Variants in ADGRB3 observed in about 807,000 individuals in gnomAD.
The protein encoded by ADGRB3 is adhesion G protein-coupled receptor B3, also known as brain-specific angiogenesis inhibitor 3.
In ADGRB3, 37 loss-of-function variants were observed where a neutral mutation model predicts 193.4. That is an observed-to-expected ratio of 0.19 (90% CI 0.15 to 0.25). The LOEUF (loss-of-function observed/expected upper bound fraction) is 0.25, where lower values mean the gene tolerates loss of function less well. ADGRB3 is among the 10% of genes least tolerant of loss of function. The pLI, the probability that ADGRB3 is intolerant of heterozygous loss-of-function variation, is 1.00. For missense variants in ADGRB3, 1,637 were observed against 1,852.9 expected, an observed-to-expected ratio of 0.88 and a Z score of 2.14; for synonymous variants, 690 against 644.2, an observed-to-expected ratio of 1.07 and a Z score of -1.08.
intron 3 of ADGRB3, among the ~76,000 whole-genome samples, chr6:68,696,511 A>T (rs1393605206): frequency 1.3e-5 from 2 of 151,874 alleles, no homozygotes; most frequent in African/African-American, 4.8e-5. Context: ...AAGTTTTTGG[A>T]TAAGGAAATT....
chr6:69,135,258 G>A (rs373543627), intron 17 of ADGRB3, among the ~76,000 whole-genome samples: 1 of 150,434 alleles, frequency 6.6e-6, no homozygotes, highest in African/African-American at 2.4e-5. Context: ...CCTAACAGAT[G>A]TAAGTACTAT....
At chr6:69,179,292 A>T (rs1258475174) in intron 17 of ADGRB3, among the ~76,000 whole-genome samples, 1 of 152,146 alleles carries the variant, frequency 6.6e-6, no homozygotes, top group Admixed American at 6.5e-5. Context: ...TAAAGCTTTC[A>T]ATTGCATTTT....
intron 11 of ADGRB3, among the ~76,000 whole-genome samples, chr6:69,012,935 C>A (rs1360975383): frequency 6.6e-6 from 1 of 151,910 alleles, no homozygotes; most frequent in Admixed American, 6.6e-5. Context: ...GTTAATGTAT[C>A]AGTATGAAGT....
chr6:69,030,966 C>CTT (rs1364529498), intron 13 of ADGRB3, among the ~76,000 whole-genome samples: 1 of 123,710 alleles, frequency 8.1e-6, no homozygotes, highest in Non-Finnish European at 1.7e-5. Context: ...TTTTTCTTTT[C>CTT]TTTTCTTTTC....
At chr6:68,787,170 G>T (rs542945611) in intron 3 of ADGRB3, among the ~76,000 whole-genome samples, 177 of 152,174 alleles carry the variant, frequency 1.2e-3, no homozygotes, top group African/African-American at 4.0e-3. Context: ...GATTGCCCTG[G>T]CCAGAACTTC....
At chr6:69,063,638 G>A (rs1367549697) in intron 16 of ADGRB3, among the ~76,000 whole-genome samples, 2 of 151,906 alleles carry the variant, frequency 1.3e-5, no homozygotes, top group African/African-American at 2.4e-5. Context: ...ACTAAGTCAA[G>A]GATCAGGGAA....
chr6:68,670,868 T>C (rs1225473344), intron 3 of ADGRB3, among the ~76,000 whole-genome samples: 1 of 152,032 alleles, frequency 6.6e-6, no homozygotes. Flanking sequence ...ATTTTAACAA[T>C]ACTGATTCCT....
intron 20 of ADGRB3, among the ~76,000 whole-genome samples, chr6:69,313,546 G>T (rs1768243747): frequency 6.6e-6 from 1 of 151,718 alleles, no homozygotes. Flanking sequence ...TTTGCTTGTT[G>T]CAAGTTGAAA....
At chr6:69,253,790 A>G (rs1478762082) in intron 20 of ADGRB3, among the ~76,000 whole-genome samples, 2 of 152,150 alleles carry the variant, frequency 1.3e-5, no homozygotes, top group African/African-American at 4.8e-5. Context: ...TTTTCAATAT[A>G]TCAAACAGGA....
At chr6:68,982,633 C>G (rs913050814) in intron 10 of ADGRB3, among the ~76,000 whole-genome samples, 4 of 152,138 alleles carry the variant, frequency 2.6e-5, no homozygotes, top group Admixed American at 1.3e-4. Context: ...CCTAAGTTCC[C>G]AAAGCTCTTA....
At chr6:69,250,284 T>A (rs978240795) in intron 20 of ADGRB3, among the ~76,000 whole-genome samples, 3 of 151,208 alleles carry the variant, frequency 2.0e-5, no homozygotes, top group Non-Finnish European at 4.4e-5. Flanking sequence ...GTATTGCTTT[T>A]ACAAAATACA....
intron 3 of ADGRB3, among the ~76,000 whole-genome samples, chr6:68,785,967 G>T (rs1373203918): frequency 1.3e-5 from 2 of 152,122 alleles, no homozygotes; most frequent in Non-Finnish European, 2.9e-5. Context: ...TTTGAGAAGT[G>T]TCTGTTCATA....
At chr6:68,831,954 A>G (rs1372571518) in intron 3 of ADGRB3, among the ~76,000 whole-genome samples, 2 of 152,206 alleles carry the variant, frequency 1.3e-5, no homozygotes, top group East Asian at 3.9e-4. Flanking sequence ...ATGGACATGC[A>G]GACTTAATGA....
chr6:68,694,472 G>A (rs1271724039), intron 3 of ADGRB3, among the ~76,000 whole-genome samples: 1 of 151,932 alleles, frequency 6.6e-6, no homozygotes. Flanking sequence ...GCACTGGTAT[G>A]GGAGTGAGGT....
intron 17 of ADGRB3, among the ~76,000 whole-genome samples, chr6:69,217,328 T>C (rs1282903015): frequency 6.6e-6 from 1 of 152,136 alleles, no homozygotes; most frequent in African/African-American, 2.4e-5. Flanking sequence ...GATACTGCCC[T>C]TTTTACCCCA....
intron 17 of ADGRB3, among the ~76,000 whole-genome samples, chr6:69,117,538 T>G: frequency 6.6e-6 from 1 of 152,284 alleles, no homozygotes; most frequent in Non-Finnish European, 1.5e-5. Flanking sequence ...AGCCATATTA[T>G]AGTAAGCCAA....
At chr6:68,911,638 A>G (rs1766714033) in intron 3 of ADGRB3, among the ~76,000 whole-genome samples, 2 of 152,172 alleles carry the variant, frequency 1.3e-5, no homozygotes, top group African/African-American at 4.8e-5. Context: ...GCAGTGTTAC[A>G]AAAGGGACGT....
At chr6:68,918,069 A>G (rs568259393) in intron 3 of ADGRB3, among the ~76,000 whole-genome samples, 1 of 152,342 alleles carries the variant, frequency 6.6e-6, no homozygotes, top group Admixed American at 6.5e-5. Context: ...TAATTACTGG[A>G]AAAATGTCAG....
chr6:69,148,022 T>A (rs954617170), intron 17 of ADGRB3, among the ~76,000 whole-genome samples: 1 of 152,168 alleles, frequency 6.6e-6, no homozygotes, highest in African/African-American at 2.4e-5. Context: ...CTATTTGTGT[T>A]TTTATAGGTG....
Sources: allele counts gnomAD v4.1 joint callset (sites outside exome capture counted in the v4.1 genomes callset), GRCh38; gene constraint gnomAD v4.1.1; transcripts MANE v1.5; gene names NCBI Gene and HGNC (gene_info 2026-07-23, HGNC 2026-07-21).